The following JAKMIP3 variants were observed in gnomAD, a reference collection of about 807,000 sequenced individuals.
JAKMIP3 encodes janus kinase and microtubule-interacting protein 3.
JAKMIP3 carries 58 observed loss-of-function variants against 118.5 expected under a neutral mutation model. That is an observed-to-expected ratio of 0.49 (90% CI 0.40 to 0.61). The LOEUF (loss-of-function observed/expected upper bound fraction) is 0.61, where lower values mean the gene tolerates loss of function less well. Among genes scored for constraint, JAKMIP3 ranks in the 20% least tolerant of loss-of-function variants. The pLI, the probability that JAKMIP3 is intolerant of heterozygous loss-of-function variation, is 0.00. For synonymous variants in JAKMIP3, 486 were observed against 451.2 expected (o/e 1.08, Z -0.98); for missense variants, 950 against 1,109.0 (o/e 0.86, Z 2.04).
rs1324091102 is a variant in JAKMIP3, at chr10:132,171,648, C to CTTTT, written c.*1103+2618_*1103+2619insTTTT. Among the ~76,000 whole-genome samples the CTTTT allele has an allele frequency of 1.2e-3, 152 of 125,552 alleles. 4 individuals are homozygous for CTTTT. The South Asian group carries it at 0.034, about 28-fold the overall frequency. The allele number at this position is 125,552 out of a possible 152,430, so 82.4% of individuals were successfully genotyped here. ...CCTGATGTCCCTGTCTTATTTTTTT[C>CTTTT]TTTCTTTTTTTTTTTTTTTTTTGAG... On this transcript the variant is annotated intron_variant, in intron 23 of 23. Coordinates refer to ENST00000684848, the MANE Select transcript of JAKMIP3 (RefSeq NM_001323087.2).
At chr10:132,107,110 G>C (rs921633242) in intron 2 of JAKMIP3, among the ~76,000 whole-genome samples, 8 of 151,006 alleles carry the variant, frequency 5.3e-5, no homozygotes, top group Admixed American at 3.3e-4. Context: ...GCCCGGGCTG[G>C]TCTCAAACTC....
intron 1 of JAKMIP3, among the ~76,000 whole-genome samples, chr10:132,045,689 G>A (rs1414791038): frequency 6.6e-6 from 1 of 152,118 alleles, no homozygotes; most frequent in African/African-American, 2.4e-5. Context: ...AGCACTTTGG[G>A]AGACCGAGGC....
At chr10:132,151,650 C>T (rs1193929076) in intron 16 of JAKMIP3, among the ~76,000 whole-genome samples, 1 of 152,208 alleles carries the variant, frequency 6.6e-6, no homozygotes, top group Non-Finnish European at 1.5e-5. Flanking sequence ...AAGGCACTGC[C>T]CAGGGTCACA....
Position 132,135,972 on chromosome 10 carries a change from C to T in JAKMIP3, c.1012C>T (p.Leu338=). 6.2e-7 allele frequency: 1 copy of T among 1,613,472 alleles called. No homozygotes were observed. Among genetic ancestry groups the T allele is most frequent in the Non-Finnish European group, 8.5e-7 (1 of 1,179,716 alleles). Residue 338 remains leucine (L), a synonymous_variant, in exon 6 of 24, where the codon CTG becomes TTG. Coordinates refer to ENST00000684848, the MANE Select transcript of JAKMIP3 (RefSeq NM_001323087.2). ...AGCTGAGAGTCAGTACAAGCCTCTG[C>T]TGGATAAAAACAAGCGCCTCAGTCG... is the stretch of plus-strand genomic sequence containing the variant. ...REAESQYKPL[L]DKNKRLSRKN... is the part of the protein sequence containing the mutation.
intron 1 of JAKMIP3, among the ~76,000 whole-genome samples, chr10:132,046,102 C>T (rs994650482): frequency 5.3e-5 from 8 of 152,126 alleles, no homozygotes; most frequent in Non-Finnish European, 1.2e-4. Flanking sequence ...TCCTGACACC[C>T]CCAGCTTCCA....
intron 1 of JAKMIP3, among the ~76,000 whole-genome samples, chr10:132,056,328 G>C (rs530902446): frequency 6.6e-6 from 1 of 152,246 alleles, no homozygotes; most frequent in East Asian, 1.9e-4. Context: ...TGTTGTCCAC[G>C]TTGAATTGGT....
chr10:132,131,723 C>G (rs2050659675), intron 3 of JAKMIP3, among the ~76,000 whole-genome samples: 1 of 152,036 alleles, frequency 6.6e-6, no homozygotes, highest in African/African-American at 2.4e-5. Flanking sequence ...CACCAGGACG[C>G]CTGTTTCAGC....
chr10:132,069,545 G>A (rs1254458055), intron 1 of JAKMIP3, among the ~76,000 whole-genome samples: 2 of 152,062 alleles, frequency 1.3e-5, no homozygotes, highest in South Asian at 4.2e-4. Context: ...AAGCTCTGCT[G>A]TTTGAAGCTG....
Position 132,106,627 on chromosome 10 carries a change from C to A in JAKMIP3, c.135+1684C>A, listed in dbSNP as rs573364231. Among the ~76,000 whole-genome samples the A allele has an allele frequency of 2.0e-5, 3 of 152,338 alleles. No individual in the cohort carries two copies. In the East Asian group the frequency reaches 5.8e-4, roughly 30 times the overall value. On this transcript the variant is annotated intron_variant, in intron 2 of 23. Transcript: ENST00000684848. ...CGATCAGTAAATGTGCGTCTAGCAC[C>A]TGCTCTGTGCCAGGCGCCCATAAAT...
At chr10:132,123,516 A>G (rs1201407801) in intron 3 of JAKMIP3, among the ~76,000 whole-genome samples, 3 of 152,242 alleles carry the variant, frequency 2.0e-5, no homozygotes, top group Non-Finnish European at 4.4e-5. Context: ...AAATATGGCT[A>G]TAAAAATGAG....
Position 132,168,122 on chromosome 10 carries a change from G to A in JAKMIP3, c.*192G>A, listed in dbSNP as rs537550858. The A allele has an allele frequency of 4.7e-6, 6 of 1,288,386 alleles. No individual in the cohort carries two copies. The highest frequency in any genetic ancestry group is 5.1e-6 in the Non-Finnish European group (5 of 988,060). The allele number at this position is 1,288,386 out of a possible 1,614,324, so 79.8% of individuals were successfully genotyped here. ...TGGGGCGTGGAGCTGCCGTCCACGT[G>A]GGATGTGCCAGAACTAGAACTGGCT... On this transcript the variant is annotated 3_prime_UTR_variant, in exon 23 of 24. Transcript: ENST00000684848.
intron 23 of JAKMIP3, among the ~76,000 whole-genome samples, chr10:132,178,871 G>A (rs2060433243): frequency 6.6e-6 from 1 of 152,220 alleles, no homozygotes; most frequent in Admixed American, 6.5e-5. Context: ...ACAGACGGCA[G>A]GGGCCTGTTC....
intron 1 of JAKMIP3, among the ~76,000 whole-genome samples, chr10:132,085,388 G>T (rs190629768): frequency 6.6e-6 from 1 of 151,888 alleles, no homozygotes; most frequent in African/African-American, 2.4e-5. Flanking sequence ...ATGATCTTTT[G>T]TATTTCTGTG....
chr10:132,085,709 C>T (rs1040211434), intron 1 of JAKMIP3, among the ~76,000 whole-genome samples: 4 of 152,264 alleles, frequency 2.6e-5, no homozygotes, highest in Admixed American at 2.6e-4. Flanking sequence ...CCATATTGGC[C>T]AGGCTGGTCT....
At chr10:132,181,912 G>C (rs935061926) in intron 23 of JAKMIP3, among the ~76,000 whole-genome samples, 1 of 152,128 alleles carries the variant, frequency 6.6e-6, no homozygotes, top group Non-Finnish European at 1.5e-5. Context: ...GGACTGATCC[G>C]GGGCCCGCCC....
In JAKMIP3 at chr10:132,153,828, G is replaced by T. The variant is rs2056647472; in HGVS notation, c.2142+1G>T. On this transcript the variant is annotated splice_donor_variant, in intron 18 of 23. Transcript: ENST00000684848. LOFTEE classifies it high-confidence loss of function. Reference sequence around the variant, plus strand: ...GATGGTGGATCTGGAGAGCGAGAAGGTTGGTGGCACCTTCACCGAGGTTCT... The same window carrying T: ...GATGGTGGATCTGGAGAGCGAGAAGTTTGGTGGCACCTTCACCGAGGTTCT... 2 of 1,613,044 alleles carry T rather than the reference G, an allele frequency of 1.2e-6. No homozygotes were observed. Among genetic ancestry groups the T allele is most frequent in the African/African-American group, 1.3e-5 (1 of 74,928 alleles).
chr10:132,108,557 C>G (rs532167227), intron 2 of JAKMIP3, among the ~76,000 whole-genome samples: 2 of 152,086 alleles, frequency 1.3e-5, no homozygotes, highest in Non-Finnish European at 2.9e-5. Flanking sequence ...CCAGAGCGCT[C>G]TCTGACCCTG....
At chr10:132,037,827 A>G (rs1247192558) in intron 1 of JAKMIP3, among the ~76,000 whole-genome samples, 1 of 152,200 alleles carries the variant, frequency 6.6e-6, no homozygotes, top group Non-Finnish European at 1.5e-5. Flanking sequence ...CCTGGGCCGC[A>G]GCGCAGGCTT....
At chr10:132,082,665 C>T (rs184083178) in intron 1 of JAKMIP3, among the ~76,000 whole-genome samples, 25 of 151,952 alleles carry the variant, frequency 1.6e-4, no homozygotes, top group African/African-American at 6.0e-4. Flanking sequence ...GGCTGGAGTG[C>T]AATGGTGCAA....
Sources: gnomAD v4.1 joint callset for allele counts (sites outside exome capture counted in the v4.1 genomes callset) on GRCh38, gnomAD v4.1.1 for gene constraint, MANE v1.5 for transcripts, NCBI Gene and HGNC (gene_info 2026-07-23, HGNC 2026-07-21) for gene names.